Variants in OSBPL1A observed in about 807,000 individuals in gnomAD.
The protein encoded by OSBPL1A is oxysterol binding protein like 1A.
In OSBPL1A, 80 loss-of-function variants were observed where a neutral mutation model predicts 137.1. That is an observed-to-expected ratio of 0.58 (90% CI 0.49 to 0.70). OSBPL1A has a LOEUF of 0.70. Among genes scored for constraint, OSBPL1A ranks in the 30% least tolerant of loss-of-function variants. OSBPL1A has a pLI of 0.00. For synonymous variants in OSBPL1A, 365 were observed against 389.7 expected (o/e 0.94, Z 0.75); for missense variants, 970 against 1,129.4 (o/e 0.86, Z 2.02).
chr18:24,318,316 C>T (rs1003518037), intron 9 of OSBPL1A, among the ~76,000 whole-genome samples: 1 of 151,926 alleles, frequency 6.6e-6, no homozygotes, highest in Admixed American at 6.6e-5. Flanking sequence ...CGGTGGCGGG[C>T]GCCTATAATC....
rs542892857 is a variant in OSBPL1A, at chr18:24,312,071, G to A, written c.1005C>T (p.Tyr335=). The change falls in exon 13 of 28, where the codon TAC becomes TAT. Residue 335 remains tyrosine, a synonymous_variant. Transcript: ENST00000319481. ...WLEAIEEHSA[Y]STHYCSQDQL... is the part of the protein sequence containing the mutation. ...GGTCCTGGGAACAGTAGTGAGTGCT[G>A]TAAGCAGAATGTTCTTCTATTGCTT... is the stretch of plus-strand genomic sequence containing the variant. 5 of 1,614,046 alleles carry A rather than the reference G, an allele frequency of 3.1e-6. No homozygotes were observed. Among genetic ancestry groups the A allele is most frequent in the East Asian group, 2.2e-5 (1 of 44,864 alleles).
At chr18:24,284,628 TAAA>T (rs35183077) in intron 14 of OSBPL1A, among the ~76,000 whole-genome samples, 1 of 149,558 alleles carries the variant, frequency 6.7e-6, no homozygotes, top group Non-Finnish European at 1.5e-5. Flanking sequence ...TATCCTAGTG[TAAA>T]AAAAAAAAAG....
At chr18:24,296,516 C>T (rs541746837) in intron 14 of OSBPL1A, among the ~76,000 whole-genome samples, 1,841 of 152,242 alleles carry the variant, frequency 0.012, 43 homozygotes, top group African/African-American at 0.042. Context: ...ACTGACTGCT[C>T]TGGCTAGGAC....
At chr18:24,246,929 AGACT>A (rs753690540) in intron 15 of OSBPL1A, among the ~76,000 whole-genome samples, 13 of 152,216 alleles carry the variant, frequency 8.5e-5, no homozygotes, top group African/African-American at 1.2e-4. Flanking sequence ...ATTTGCTGAC[AGACT>A]GACTATGTGA....
At chr18:24,319,303 C>T (rs2090797161) in intron 7 of OSBPL1A, among the ~76,000 whole-genome samples, 1 of 152,140 alleles carries the variant, frequency 6.6e-6, no homozygotes, top group Admixed American at 6.6e-5. Flanking sequence ...CTCTCTATAG[C>T]CCTCCCTCCT....
At chr18:24,317,484 A>G in intron 9 of OSBPL1A, 84 bp from the exon 10 acceptor site, 2 of 1,091,156 alleles carry the variant, frequency 1.8e-6, no homozygotes, top group Non-Finnish European at 1.4e-6. Context: ...AAGTGAGGAC[A>G]GTCATATTTG....
intron 16 of OSBPL1A, among the ~76,000 whole-genome samples, chr18:24,230,043 C>T (rs2088222282): frequency 6.6e-6 from 1 of 152,220 alleles, no homozygotes; most frequent in Non-Finnish European, 1.5e-5. Flanking sequence ...GGCCACCACG[C>T]CCCACCAATA....
chr18:24,212,294 G>C (rs778266930), intron 17 of OSBPL1A, among the ~76,000 whole-genome samples: 1 of 151,392 alleles, frequency 6.6e-6, no homozygotes, highest in African/African-American at 2.4e-5. Context: ...TCCTGACCTC[G>C]TGATCCACCC....
intron 17 of OSBPL1A, among the ~76,000 whole-genome samples, chr18:24,204,573 T>TA (rs764022485): frequency 7.4e-6 from 1 of 135,554 alleles, no homozygotes; most frequent in African/African-American, 2.6e-5. Context: ...TTTTTTTTTT[T>TA]AAACATGATG....
intron 14 of OSBPL1A, among the ~76,000 whole-genome samples, chr18:24,284,985 T>C (rs191768168): frequency 6.6e-6 from 1 of 152,268 alleles, no homozygotes; most frequent in East Asian, 1.9e-4. Flanking sequence ...GGAGGATCAC[T>C]TGAGTTCAAG....
chr18:24,359,509 C>A (rs749418056), intron 4 of OSBPL1A, among the ~76,000 whole-genome samples: 8 of 151,500 alleles, frequency 5.3e-5, no homozygotes, highest in Non-Finnish European at 7.4e-5. Flanking sequence ...CTGGGCAACA[C>A]GGTGAAACCC....
At chr18:24,166,802 C>T in intron 25 of OSBPL1A, 100 bp from the exon 26 acceptor site, 1 of 1,201,236 alleles carries the variant, frequency 8.3e-7, no homozygotes, top group South Asian at 1.5e-5. Flanking sequence ...ATGACCCCCT[C>T]CCTTTCATGG....
At chr18:24,330,412 C>A (rs1388591394) in intron 7 of OSBPL1A, among the ~76,000 whole-genome samples, 1 of 150,786 alleles carries the variant, frequency 6.6e-6, no homozygotes, top group Non-Finnish European at 1.5e-5. Context: ...CCATTATTAT[C>A]AAGACAAAAA....
At chr18:24,239,186 A>C in intron 16 of OSBPL1A, 34 bp downstream of exon 16, 1 of 1,604,830 alleles carries the variant, frequency 6.2e-7, no homozygotes, top group South Asian at 1.1e-5. Flanking sequence ...ACTCTAAATC[A>C]CCAACAATGC....
intron 1 of OSBPL1A, among the ~76,000 whole-genome samples, chr18:24,379,519 C>CAA (rs1401150889): frequency 6.1e-5 from 5 of 81,732 alleles, no homozygotes; most frequent in South Asian, 3.7e-4. Flanking sequence ...GACTTGGTCT[C>CAA]AAAAAAAAAA....
chr18:24,391,290 G>A (rs986209333), intron 1 of OSBPL1A, among the ~76,000 whole-genome samples: 2 of 152,188 alleles, frequency 1.3e-5, no homozygotes, highest in African/African-American at 2.4e-5. Context: ...TCGGAGAAGG[G>A]AGGAAGAAAT....
At chr18:24,273,777 G>A (rs2089777974) in intron 15 of OSBPL1A, among the ~76,000 whole-genome samples, 2 of 152,156 alleles carry the variant, frequency 1.3e-5, no homozygotes, top group Non-Finnish European at 2.9e-5. Flanking sequence ...TGGAGCAGCA[G>A]GGACACCTCA....
Position 24,271,613 on chromosome 18 carries a change from C to A in OSBPL1A, c.1281+9229G>T. ...GCAAAGCCACCGAGCTGCAAATACA[C>A]CCACCTACCTGGGCCAGATCCGAGG... On this transcript the variant is annotated intron_variant, in intron 15 of 27. Transcript: ENST00000319481. This position sits in a 1 kb window ranked among gnomAD's most constrained non-coding sequence, Gnocchi z 4.0. 1 of 986,374 alleles carries A rather than the reference C, an allele frequency of 1.0e-6. No individual in the cohort carries two copies. The highest frequency in any genetic ancestry group is 1.2e-6 in the Non-Finnish European group (1 of 830,696). 61.1% of individuals were successfully genotyped at this position (986,374 alleles called of 1,614,324 possible).
At chr18:24,209,912 G>A (rs1157041093) in intron 17 of OSBPL1A, among the ~76,000 whole-genome samples, 1 of 152,132 alleles carries the variant, frequency 6.6e-6, no homozygotes, top group Admixed American at 6.6e-5. Context: ...CTGGAGTGAT[G>A]GAAATGTTCC....
Sources: gnomAD v4.1 joint callset for allele counts (sites outside exome capture counted in the v4.1 genomes callset) on GRCh38, gnomAD v4.1.1 for gene constraint, Gnocchi (gnomAD v3.1) non-coding constraint, MANE v1.5 for transcripts, NCBI Gene and HGNC (gene_info 2026-07-23, HGNC 2026-07-21) for gene names.